Variants in GDA observed in about 807,000 individuals in gnomAD.
GDA encodes guanine deaminase.
A neutral mutation model predicts 59.6 loss-of-function variants in GDA; 18 were observed. The ratio of observed to expected loss-of-function variants is 0.30; its 90% CI spans 0.21 to 0.45. The LOEUF (loss-of-function observed/expected upper bound fraction) is 0.45, where lower values mean the gene tolerates loss of function less well. Among genes scored for constraint, GDA ranks in the 20% least tolerant of loss-of-function variants. The pLI is 1.00. For synonymous variants in GDA, 201 were observed against 201.1 expected (o/e 1.00, Z 0.00); for missense variants, 427 against 552.3 (o/e 0.77, Z 2.27).
intron 13 of GDA, among the ~76,000 whole-genome samples, chr9:72,247,782 C>T (rs936300706): frequency 1.2e-4 from 19 of 152,148 alleles, no homozygotes; most frequent in South Asian, 2.1e-4. Flanking sequence ...TCTCACCACA[C>T]GTGCTGGTGA....
intron 1 of GDA, among the ~76,000 whole-genome samples, chr9:72,178,413 AT>A (rs145032320): frequency 0.086 from 10,111 of 117,088 alleles, 322 homozygotes; most frequent in South Asian, 0.12. Flanking sequence ...TGGAATCGAT[AT>A]TTTTTTTTTT....
chr9:72,217,729 T>A (rs1836315644), intron 5 of GDA, among the ~76,000 whole-genome samples: 1 of 152,202 alleles, frequency 6.6e-6, no homozygotes, highest in African/African-American at 2.4e-5. Context: ...CTCATTAAAT[T>A]ACTTTTGGTT....
chr9:72,127,335 A>G (rs1397366438), intron 1 of GDA, among the ~76,000 whole-genome samples: 2 of 152,160 alleles, frequency 1.3e-5, no homozygotes, highest in African/African-American at 4.8e-5. Context: ...AACCAAAAGG[A>G]TCTGAAAGAA....
chr9:72,240,816 G>C (rs139620434), intron 10 of GDA, among the ~76,000 whole-genome samples: 3 of 152,300 alleles, frequency 2.0e-5, no homozygotes, highest in Non-Finnish European at 4.4e-5. Context: ...TTCTCCCTTA[G>C]AGCTCTTGTG....
intron 11 of GDA, among the ~76,000 whole-genome samples, chr9:72,242,945 G>T (rs1431798622): frequency 4.6e-5 from 7 of 152,086 alleles, no homozygotes; most frequent in Admixed American, 4.6e-4. Context: ...AGTCAGCATG[G>T]GTGCCTACCA....
chr9:72,215,615 C>T (rs1836009451), intron 5 of GDA, among the ~76,000 whole-genome samples: 1 of 152,208 alleles, frequency 6.6e-6, no homozygotes, highest in Non-Finnish European at 1.5e-5. Context: ...TACATCTGTG[C>T]TCCTAGGGAA....
chr9:72,148,602 G>A (rs904007469), upstream of GDA, among the ~76,000 whole-genome samples: 9 of 152,148 alleles, frequency 5.9e-5, no homozygotes, highest in African/African-American at 2.2e-4. Flanking sequence ...AGAGGGCCCT[G>A]AATGGAAGCC....
intron 5 of GDA, among the ~76,000 whole-genome samples, chr9:72,217,564 A>G (rs1425321465): frequency 6.6e-6 from 1 of 152,218 alleles, no homozygotes; most frequent in Non-Finnish European, 1.5e-5. Context: ...TTTTTGTGTA[A>G]CAAATTATAT....
intron 10 of GDA, among the ~76,000 whole-genome samples, chr9:72,237,358 C>T (rs747477646): frequency 1.3e-5 from 2 of 152,190 alleles, no homozygotes; most frequent in African/African-American, 4.8e-5. Context: ...GCAGTATTTG[C>T]CATGATTGAC....
At chr9:72,200,097 A>C (rs993372620) in intron 2 of GDA, among the ~76,000 whole-genome samples, 1 of 144,102 alleles carries the variant, frequency 6.9e-6, no homozygotes, top group African/African-American at 2.6e-5. Flanking sequence ...TCCCGTGTTC[A>C]CGCCATTCTC....
intron 5 of GDA, among the ~76,000 whole-genome samples, chr9:72,217,339 C>A (rs370706555): frequency 6.6e-6 from 1 of 152,148 alleles, no homozygotes; most frequent in Admixed American, 6.5e-5. Context: ...TCCTGTGGTA[C>A]AGTAGTGCTT....
chr9:72,195,407 G>T, intron 1 of GDA, 93 bp from the exon 2 acceptor site: 3 of 277,388 alleles, frequency 1.1e-5, no homozygotes, highest in Non-Finnish European at 2.0e-5. Flanking sequence ...CTCAGCTATA[G>T]TCTCTTTTAA....
chr9:72,124,168 G>A (rs1480505265), intron 1 of GDA, among the ~76,000 whole-genome samples: 1 of 152,156 alleles, frequency 6.6e-6, no homozygotes, highest in South Asian at 2.1e-4. Flanking sequence ...CTATATAGTG[G>A]AAACCACCTA....
chr9:72,236,244 T>C (rs552294244), intron 10 of GDA, among the ~76,000 whole-genome samples: 1 of 152,322 alleles, frequency 6.6e-6, no homozygotes, highest in South Asian at 2.1e-4. Context: ...GTGGAGCATC[T>C]GGAGGTTGCT....
At chr9:72,149,841 G>T (rs1287731555) in intron 1 of GDA, among the ~76,000 whole-genome samples, 159 bp downstream of exon 1, 2 of 152,242 alleles carry the variant, frequency 1.3e-5, no homozygotes, top group Non-Finnish European at 2.9e-5. Flanking sequence ...AACGCAGAGA[G>T]AACCCTGGCG....
upstream of GDA, among the ~76,000 whole-genome samples, chr9:72,146,944 GC>G (rs939154405): frequency 2.9e-4 from 44 of 152,264 alleles, no homozygotes; most frequent in African/African-American, 1.1e-3. Context: ...TACCTGAGGA[GC>G]ACTAATGCCA....
At chr9:72,199,596 A>T (rs1396523082) in intron 2 of GDA, among the ~76,000 whole-genome samples, 1 of 152,184 alleles carries the variant, frequency 6.6e-6, no homozygotes, top group Non-Finnish European at 1.5e-5. Flanking sequence ...GGACTTTCTC[A>T]AACACTCTCT....
intron 1 of GDA, among the ~76,000 whole-genome samples, chr9:72,124,557 G>C (rs1163327720): frequency 1.3e-5 from 2 of 152,190 alleles, no homozygotes; most frequent in African/African-American, 4.8e-5. Context: ...ATTTTTAAAA[G>C]AGTGTTGAGA....
At position 72,250,521 on chromosome 9, in the gene GDA, C is replaced by T; in HGVS notation, c.*2179C>T. 1 of 1,406,516 alleles carries T rather than the reference C, an allele frequency of 7.1e-7. No individual in the cohort carries two copies. Among genetic ancestry groups the T allele is most frequent in the Non-Finnish European group, 9.2e-7 (1 of 1,081,610 alleles). The allele number at this position is 1,406,516 out of a possible 1,614,324, so 87.1% of individuals were successfully genotyped here. On this transcript the variant is annotated 3_prime_UTR_variant, in exon 14 of 14. Transcript: ENST00000358399. ...ATATTTATATGTACTTTGATCTCTC[C>T]ACATCACTTATAACTTATGTGTTTT...
Sources: gnomAD v4.1 joint callset for allele counts (sites outside exome capture counted in the v4.1 genomes callset) on GRCh38, gnomAD v4.1.1 for gene constraint, MANE v1.5 for transcripts, NCBI Gene and HGNC (gene_info 2026-07-23, HGNC 2026-07-21) for gene names.